The following EML1 variants were observed in gnomAD, a reference collection of about 807,000 sequenced individuals.
EML1 encodes the protein echinoderm microtubule-associated protein-like 1.
Under a neutral mutation model 110.4 loss-of-function variants are expected in EML1, and 27 were observed. That is an observed-to-expected ratio of 0.24 (90% CI 0.18 to 0.34). EML1 has a LOEUF of 0.34. Among genes scored for constraint, EML1 ranks in the 10% least tolerant of loss-of-function variants. The pLI is 1.00. For synonymous variants in EML1, 344 were observed against 385.8 expected, an observed-to-expected ratio of 0.89 and a Z score of 1.27; for missense variants, 741 against 1,030.9, an observed-to-expected ratio of 0.72 and a Z score of 3.85.
At chr14:99,849,144 G>T (rs374655023) in intron 1 of EML1, among the ~76,000 whole-genome samples, 2 of 152,092 alleles carry the variant, frequency 1.3e-5, no homozygotes, top group Admixed American at 1.3e-4. Context: ...AGCATTTCTT[G>T]CAGTGCAGGT....
intron 1 of EML1, among the ~76,000 whole-genome samples, chr14:99,837,538 G>A (rs2058559312): frequency 6.6e-6 from 1 of 152,130 alleles, no homozygotes. Flanking sequence ...CAACGAATGT[G>A]GATGGGAGGT....
intron 17 of EML1, among the ~76,000 whole-genome samples, chr14:99,925,762 G>A (rs958843337): frequency 9.2e-5 from 14 of 152,224 alleles, no homozygotes; most frequent in Middle Eastern, 3.4e-3. Context: ...CAGATTGGCC[G>A]GAAGGGTGTC....
At chr14:99,850,274 G>A (rs1039205682) in intron 1 of EML1, 23 of 1,288,008 alleles carry the variant, frequency 1.8e-5, no homozygotes, top group Middle Eastern at 2.1e-4. Context: ...TTGGAGAGGC[G>A]AAGAAGATCA....
intron 2 of EML1, among the ~76,000 whole-genome samples, chr14:99,865,088 A>G (rs1293133367): frequency 6.6e-6 from 1 of 152,192 alleles, no homozygotes; most frequent in Non-Finnish European, 1.5e-5. Flanking sequence ...CTTCTTTCTT[A>G]CTATTACATT....
intron 1 of EML1, among the ~76,000 whole-genome samples, chr14:99,748,194 G>C (rs2140169070): frequency 6.6e-6 from 1 of 152,232 alleles, no homozygotes; most frequent in East Asian, 1.9e-4. Flanking sequence ...TCGCTGCTCT[G>C]GGAAAGCCCC....
At chr14:99,869,150 G>T (rs138043215) in intron 3 of EML1, among the ~76,000 whole-genome samples, 1 of 152,112 alleles carries the variant, frequency 6.6e-6, no homozygotes, top group Non-Finnish European at 1.5e-5. Flanking sequence ...TGGCTTTATT[G>T]TGCTTTAGAG....
At chr14:99,742,203 G>C (rs924048194) in intron 1 of EML1, among the ~76,000 whole-genome samples, 6 of 152,184 alleles carry the variant, frequency 3.9e-5, no homozygotes, top group Non-Finnish European at 5.9e-5. Flanking sequence ...GTGCCTTCTG[G>C]GTGCCTGCAC....
chr14:99,888,432 T>A (rs1280488279), intron 4 of EML1, among the ~76,000 whole-genome samples: 1 of 152,214 alleles, frequency 6.6e-6, no homozygotes, highest in Non-Finnish European at 1.5e-5. Context: ...AAAGTCATGA[T>A]AAAAAAATAG....
upstream of EML1, chr14:99,793,240 C>T (rs1289766817): frequency 2.7e-6 from 2 of 732,480 alleles, no homozygotes; most frequent in East Asian, 2.7e-4. Flanking sequence ...CGTCCCCCTC[C>T]CGGCCCGGGC....
chr14:99,849,441 G>A (rs1032509493), intron 1 of EML1, among the ~76,000 whole-genome samples: 2 of 151,914 alleles, frequency 1.3e-5, no homozygotes, highest in Non-Finnish European at 2.9e-5. Flanking sequence ...GTACCTTGAG[G>A]TGGGCTGTTT....
intron 1 of EML1, among the ~76,000 whole-genome samples, chr14:99,740,111 CT>C (rs1457501264): frequency 6.6e-6 from 1 of 152,124 alleles, no homozygotes; most frequent in African/African-American, 2.4e-5. Flanking sequence ...CATAAGCAAC[CT>C]AGAGAGGGAG....
intron 1 of EML1, among the ~76,000 whole-genome samples, chr14:99,774,881 C>A (rs935136267): frequency 2.0e-5 from 3 of 152,190 alleles, no homozygotes; most frequent in Admixed American, 2.0e-4. Context: ...GCAAAACCCA[C>A]TGACAGCTTG....
intron 17 of EML1, among the ~76,000 whole-genome samples, chr14:99,928,389 C>T (rs1420319457): frequency 6.6e-6 from 1 of 151,960 alleles, no homozygotes; most frequent in East Asian, 1.9e-4. Context: ...TGTTCTCTGG[C>T]ATAACAAGTT....
At chr14:99,751,376 G>A (rs1166514594) in intron 1 of EML1, among the ~76,000 whole-genome samples, 1 of 152,194 alleles carries the variant, frequency 6.6e-6, no homozygotes, top group African/African-American at 2.4e-5. Flanking sequence ...CAGCACGGAA[G>A]CAGAGGCAGC....
At chr14:99,858,883 T>A (rs2058951784) in intron 2 of EML1, among the ~76,000 whole-genome samples, 1 of 152,242 alleles carries the variant, frequency 6.6e-6, no homozygotes, top group Admixed American at 6.5e-5. Flanking sequence ...AAACTTTGGA[T>A]TTCCTCATAT....
chr14:99,910,653 C>G (rs767233654), intron 12 of EML1, among the ~76,000 whole-genome samples: 4 of 152,176 alleles, frequency 2.6e-5, no homozygotes, highest in Non-Finnish European at 5.9e-5. Flanking sequence ...TTAATGACTA[C>G]TTATAGGTCT....
Position 99,781,830 on chromosome 14 carries a change from C to T in EML1, c.-27+7817C>T, listed in dbSNP as rs1263064799. Among the ~76,000 whole-genome samples, 1 of 152,172 alleles carries T rather than the reference C, an allele frequency of 6.6e-6. No homozygotes were observed. The highest frequency in any genetic ancestry group is 6.5e-5 in the Admixed American group (1 of 15,282). On this transcript the variant is annotated intron_variant, in intron 1 of 22. Transcript: ENST00000327921. The surrounding 1 kb of genome is among the most constrained non-coding windows in gnomAD (Gnocchi z 4.2). ...GTATGCATTTCTAGCCTCTTTCCCG[C>T]CTCCTCTCCATACCTCTCATCTCCC...
chr14:99,914,811 T>C (rs866441691), intron 15 of EML1, 114 bp downstream of exon 15: 4 of 1,372,854 alleles, frequency 2.9e-6, no homozygotes, highest in South Asian at 2.7e-5. Flanking sequence ...GCAAATGTTA[T>C]TTATCTATTT....
chr14:99,785,334 C>T (rs1426951391), intron 1 of EML1, among the ~76,000 whole-genome samples: 3 of 152,184 alleles, frequency 2.0e-5, no homozygotes, highest in South Asian at 2.1e-4. Flanking sequence ...GGATTACAGG[C>T]GTTAGCCACC....
Sources: allele counts gnomAD v4.1 joint callset (sites outside exome capture counted in the v4.1 genomes callset), GRCh38; gene constraint gnomAD v4.1.1; non-coding constraint Gnocchi (gnomAD v3.1); transcripts MANE v1.5; gene names NCBI Gene and HGNC (gene_info 2026-07-23, HGNC 2026-07-21).